VWDE: variants seen among roughly 807,000 people sequenced by gnomAD.
VWDE encodes von Willebrand factor D and EGF domains.
VWDE carries 207 observed loss-of-function variants against 178.4 expected under a neutral mutation model. The observed-to-expected ratio is 1.16, with a 90% CI of 1.04 to 1.30. VWDE has a LOEUF of 1.30. Among genes scored for constraint, VWDE ranks in the 50% most tolerant of loss-of-function variants. The pLI is 0.00. For synonymous variants in VWDE, 738 were observed against 651.4 expected, an observed-to-expected ratio of 1.13 and a Z score of -2.02; for missense variants, 2,287 against 1,901.3, an observed-to-expected ratio of 1.20 and a Z score of -3.77.
chr7:12,336,507 T>A (rs1477903590), intron 26 of VWDE, among the ~76,000 whole-genome samples: 1 of 152,202 alleles, frequency 6.6e-6, no homozygotes, highest in Non-Finnish European at 1.5e-5. Flanking sequence ...TGCTTCTCAT[T>A]TTTTCATTTT....
At chr7:12,360,120 C>T (rs1782494134) in intron 15 of VWDE, among the ~76,000 whole-genome samples, 1 of 152,066 alleles carries the variant, frequency 6.6e-6, no homozygotes, top group Non-Finnish European at 1.5e-5. Flanking sequence ...GTTCTGTGAA[C>T]ACAGCCAACT....
chr7:12,379,328 G>T, intron 6 of VWDE, 149 bp downstream of exon 6: 1 of 469,376 alleles, frequency 2.1e-6, no homozygotes, highest in South Asian at 6.4e-5. Flanking sequence ...TAGAATTACT[G>T]GGGCTTTTCT....
chr7:12,386,203 T>C (rs1784091684), intron 3 of VWDE, among the ~76,000 whole-genome samples: 1 of 152,230 alleles, frequency 6.6e-6, no homozygotes. Flanking sequence ...ATACTTTTTA[T>C]GACAAGAGTG....
At chr7:12,366,247 A>G (rs2128554491) in intron 13 of VWDE, among the ~76,000 whole-genome samples, 1 of 152,214 alleles carries the variant, frequency 6.6e-6, no homozygotes, top group African/African-American at 2.4e-5. Flanking sequence ...AGTTCTGTAT[A>G]GTGTGTTAGA....
At chr7:12,347,050 T>C (rs1376948021) in intron 19 of VWDE, among the ~76,000 whole-genome samples, 3 of 152,082 alleles carry the variant, frequency 2.0e-5, no homozygotes, top group South Asian at 2.1e-4. Context: ...GTGCACCAAA[T>C]ATAGCCCCAA....
intron 4 of VWDE, among the ~76,000 whole-genome samples, chr7:12,381,942 A>T (rs984041019): frequency 6.6e-6 from 1 of 151,938 alleles, no homozygotes; most frequent in Non-Finnish European, 1.5e-5. Flanking sequence ...CAGATTGATC[A>T]TTGCTTGCAA....
intron 13 of VWDE, among the ~76,000 whole-genome samples, chr7:12,363,212 C>T (rs7797283): frequency 0.2 from 30,745 of 151,956 alleles, 3,438 homozygotes; most frequent in Non-Finnish European, 0.25. Flanking sequence ...AAAAAGCAAA[C>T]ACTTCTCTTC....
intron 26 of VWDE, among the ~76,000 whole-genome samples, chr7:12,336,717 T>C (rs1781053324): frequency 6.6e-6 from 1 of 152,118 alleles, no homozygotes; most frequent in Non-Finnish European, 1.5e-5. Context: ...CAACCCCAAC[T>C]TCAGGACTTA....
At position 12,380,666 on chromosome 7, in the gene VWDE, C is replaced by A. The variant is rs1010590747; in HGVS notation, c.609G>T (p.Glu203Asp). The A allele has an allele frequency of 6.4e-7, 1 of 1,552,090 alleles. No individual in the cohort carries two copies. The highest frequency in any genetic ancestry group is 1.2e-5 in the South Asian group (1 of 84,054). Residue 203 changes from glutamate (E) to aspartate (D), a missense_variant, in exon 5 of 29, where the codon GAG becomes GAT. Physicochemically the swap from Glu to Asp is conservative, Grantham distance 45. Coordinates refer to ENST00000275358, the MANE Select transcript of VWDE (RefSeq NM_001135924.3). ...AAGAACACCTACAGAAAAGCCTGGA[C>A]TCAATCAACTCCACCAGAACCTCTG... ...GRPEVLVELI[E>D]SRLFCRCSFD...
At chr7:12,385,813 A>G (rs1784069475) in intron 3 of VWDE, among the ~76,000 whole-genome samples, 1 of 152,056 alleles carries the variant, frequency 6.6e-6, no homozygotes, top group Non-Finnish European at 1.5e-5. Flanking sequence ...TAAAAAAATA[A>G]CAATTGTCTC....
Position 12,359,613 on chromosome 7 carries a change from G to T in VWDE, c.3239C>A (p.Pro1080His). 6.5e-7 allele frequency: 1 copy of T among 1,549,370 alleles called. No individual in the cohort carries two copies. The highest frequency in any genetic ancestry group is 8.7e-7 in the Non-Finnish European group (1 of 1,145,690). Reference protein sequence around the residue: ...NPTSPCLICRPKISRFTWSFL... With the variant: ...NPTSPCLICRHKISRFTWSFL... Reference sequence around the variant, plus strand: ...TGACCAAGTAAATCTTGAAATTTTGGGTCTACAAATCAAACAAGGGCTGGT... The same window carrying T: ...TGACCAAGTAAATCTTGAAATTTTGTGTCTACAAATCAAACAAGGGCTGGT... Residue 1080 changes from proline (P) to histidine (H), a missense_variant, in exon 16 of 29, where the codon CCC becomes CAC. Physicochemically the swap from Pro to His is moderately conservative, Grantham distance 77. Transcript: ENST00000275358.
intron 2 of VWDE, among the ~76,000 whole-genome samples, 181 bp from the exon 3 acceptor site, chr7:12,389,539 C>T (rs1212743391): frequency 3.3e-5 from 5 of 152,016 alleles, no homozygotes; most frequent in Non-Finnish European, 5.9e-5. Flanking sequence ...TTTAAGGGTA[C>T]ACATCTCATA....
At chr7:12,332,048 G>A (rs988533031) in intron 28 of VWDE, among the ~76,000 whole-genome samples, 3 of 152,072 alleles carry the variant, frequency 2.0e-5, no homozygotes, top group African/African-American at 7.2e-5. Flanking sequence ...CTTTGGGGAA[G>A]GTAGGGAAGA....
chr7:12,344,232 C>T lies in VWDE; in HGVS notation c.4041G>A (p.Gln1347=), dbSNP rs775161691. 6.4e-7 allele frequency: 1 copy of T among 1,551,268 alleles called. No individual in the cohort carries two copies. The part of the protein sequence containing the change: ...HGKCIKPNIC[Q]CLPGHGGATC... The stretch of plus-strand genomic sequence containing the variant: ...TTGCTCCACCATGTCCTGGAAGACA[C>T]TGACAAATGTTAGGCTTAATACATT... Residue 1347 remains glutamine (Q), a synonymous_variant, in exon 21 of 29, where the codon CAG becomes CAA. Coordinates refer to ENST00000275358, the MANE Select transcript of VWDE (RefSeq NM_001135924.3).
chr7:12,336,099 C>T, intron 27 of VWDE, 42 bp downstream of exon 27: 1 of 1,486,496 alleles, frequency 6.7e-7, no homozygotes, highest in Non-Finnish European at 9.1e-7. Context: ...TAACAGATTC[C>T]AATTCAGAAC....
Position 12,343,153 on chromosome 7 carries a change from A to AT in VWDE, c.4103dup (p.His1368GlnfsTer23). 6.5e-7 allele frequency: 1 copy of AT among 1,549,642 alleles called. No homozygotes were observed. Among genetic ancestry groups the AT allele is most frequent in the Non-Finnish European group, 8.7e-7 (1 of 1,145,542 alleles). On this transcript the variant is annotated frameshift_variant, in exon 22 of 29. Transcript: ENST00000275358. LOFTEE classifies it high-confidence loss of function. ...GATTCCCAGCCAAGCATGTGCCACCATGTTGACAAGGTGGGTTACAATGTT... is the reference window on the plus strand; with the variant it reads ...GATTCCCAGCCAAGCATGTGCCACCATTGTTGACAAGGTGGGTTACAATGTT...
chr7:12,363,807 A>G (rs1351026056), intron 13 of VWDE, among the ~76,000 whole-genome samples: 1 of 152,050 alleles, frequency 6.6e-6, no homozygotes, highest in Non-Finnish European at 1.5e-5. Flanking sequence ...AAATAATTAT[A>G]ATCAACCAGA....
At chr7:12,386,737 T>A (rs1035573995) in intron 3 of VWDE, among the ~76,000 whole-genome samples, 1 of 152,188 alleles carries the variant, frequency 6.6e-6, no homozygotes, top group African/African-American at 2.4e-5. Flanking sequence ...ATATATTTCA[T>A]CCTCTCTCAC....
Position 12,369,719 on chromosome 7 carries a change from C to G in VWDE, c.2587G>C (p.Glu863Gln), listed in dbSNP as rs1322518591. 1.3e-6 allele frequency: 2 copies of G among 1,551,526 alleles called. No homozygotes were observed. Among genetic ancestry groups the G allele is most frequent in the Non-Finnish European group, 1.7e-6 (2 of 1,146,906 alleles). ...AGVALLENEC[E>Q]KRIVEEGKYN... is the part of the protein sequence containing the mutation. ...TTCCCCTCCTCCACAATCCTCTTTTCACATTCATTTTCTAAAAGGGCCACA... is the reference window on the plus strand; with the variant it reads ...TTCCCCTCCTCCACAATCCTCTTTTGACATTCATTTTCTAAAAGGGCCACA... The change falls in exon 12 of 29, where the codon GAA becomes CAA. Residue 863 changes from glutamate (E) to glutamine (Q), a missense_variant. Physicochemically the swap from Glu to Gln is conservative, Grantham distance 29. Transcript: ENST00000275358.
Sources: gnomAD v4.1 joint callset for allele counts (sites outside exome capture counted in the v4.1 genomes callset) on GRCh38, gnomAD v4.1.1 for gene constraint, MANE v1.5 for transcripts, NCBI Gene and HGNC (gene_info 2026-07-23, HGNC 2026-07-21) for gene names.